The following LYRM7 variants were observed in gnomAD, a reference collection of about 807,000 sequenced individuals.
The protein encoded by LYRM7 is LYR motif containing 7.
In LYRM7, 9 loss-of-function variants were observed where a neutral mutation model predicts 15.8. That is an observed-to-expected ratio of 0.57 (90% CI 0.34 to 0.99). LYRM7 has a LOEUF of 0.99. Ranked by LOEUF, LYRM7 falls within the 50% of genes least tolerant of loss-of-function variation. The probability of loss-of-function intolerance (pLI) is 0.02; values close to 1 mark genes in which losing one functional copy is unlikely to be tolerated. For synonymous variants in LYRM7, 39 were observed against 39.4 expected (o/e 0.99, Z 0.04); for missense variants, 115 against 119.1 (o/e 0.97, Z 0.16).
chr5:131,173,125 GTCTTC>G (rs1421636435), intron 1 of LYRM7, among the ~76,000 whole-genome samples: 1 of 152,122 alleles, frequency 6.6e-6, no homozygotes, highest in African/African-American at 2.4e-5. Flanking sequence ...CATGCAACAT[GTCTTC>G]TCTGCTCTTG....
At chr5:131,184,645 G>GGGGT (rs1755766604) in intron 3 of LYRM7, among the ~76,000 whole-genome samples, 2 of 145,160 alleles carry the variant, frequency 1.4e-5, no homozygotes, top group African/African-American at 5.7e-5. Flanking sequence ...TTTGGCGGGG[G>GGGGT]GGGGGTTCCA....
At chr5:131,199,447 TA>T in intron 4 of LYRM7, 83 bp from the exon 5 acceptor site, 1 of 948,948 alleles carries the variant, frequency 1.1e-6, no homozygotes, top group South Asian at 1.8e-5. Flanking sequence ...TTTACTATTT[TA>T]AATTTTAGGG....
intron 4 of LYRM7, among the ~76,000 whole-genome samples, chr5:131,190,160 A>G (rs569942021): frequency 6.6e-6 from 1 of 151,512 alleles, no homozygotes; most frequent in Non-Finnish European, 1.5e-5. Context: ...GAAAAGAAAA[A>G]AAAAGAAATT....
intron 3 of LYRM7, among the ~76,000 whole-genome samples, chr5:131,186,518 C>A (rs555476354): frequency 1.4e-3 from 212 of 152,312 alleles, no homozygotes; most frequent in African/African-American, 5.0e-3. Context: ...CCTCAAATCT[C>A]TGATAGTACC....
intron 3 of LYRM7, among the ~76,000 whole-genome samples, chr5:131,182,846 A>T (rs1186678197): frequency 6.6e-6 from 1 of 152,110 alleles, no homozygotes; most frequent in East Asian, 1.9e-4. Context: ...AAAAATGCAC[A>T]ATTTTTCTTT....
chr5:131,177,491 T>A (rs1332862582), intron 1 of LYRM7, among the ~76,000 whole-genome samples: 1 of 152,250 alleles, frequency 6.6e-6, no homozygotes, highest in African/African-American at 2.4e-5. Flanking sequence ...AGTGATAGTT[T>A]GAGTATCTAT....
intron 2 of LYRM7, among the ~76,000 whole-genome samples, chr5:131,181,296 A>ATATATAT (rs1311167816): frequency 1.4e-4 from 2 of 14,462 alleles, no homozygotes; most frequent in African/African-American, 3.4e-4. Context: ...AAAAAAAAAA[A>ATATATAT]AAAAAAATAT....
chr5:131,184,987 A>G (rs1444588635), intron 3 of LYRM7, among the ~76,000 whole-genome samples: 3 of 152,078 alleles, frequency 2.0e-5, no homozygotes, highest in Non-Finnish European at 2.9e-5. Flanking sequence ...GTTGACTTAA[A>G]TATCAAAATA....
intron 3 of LYRM7, among the ~76,000 whole-genome samples, chr5:131,182,511 A>T (rs1487958846): frequency 6.6e-6 from 1 of 152,196 alleles, no homozygotes; most frequent in Non-Finnish European, 1.5e-5. Flanking sequence ...TCAACAGAAC[A>T]TGGAAATAGC....
chr5:131,185,366 A>G (rs1755781215), intron 3 of LYRM7, among the ~76,000 whole-genome samples: 1 of 152,054 alleles, frequency 6.6e-6, no homozygotes, highest in Non-Finnish European at 1.5e-5. Flanking sequence ...AATTTACCAA[A>G]AAGTTTCCTC....
intron 1 of LYRM7, among the ~76,000 whole-genome samples, chr5:131,177,130 A>G (rs1755614435): frequency 6.6e-6 from 1 of 152,182 alleles, no homozygotes; most frequent in African/African-American, 2.4e-5. Context: ...CTTTTTAAAA[A>G]TATCCTTTAA....
intron 2 of LYRM7, among the ~76,000 whole-genome samples, chr5:131,181,397 T>TA (rs200207805): frequency 1.0e-5 from 1 of 99,386 alleles, no homozygotes; most frequent in Non-Finnish European, 1.7e-5. Flanking sequence ...TACATATATA[T>TA]TATATATACA....
In LYRM7 at chr5:131,198,522, C is replaced by A. The variant is rs77612257; in HGVS notation, c.245-1009C>A. Among the ~76,000 whole-genome samples, 1,282 of 152,110 alleles carry A rather than the reference C, an allele frequency of 8.4e-3. 16 individuals are homozygous for A. Among genetic ancestry groups the A allele is most frequent in the African/African-American group, 0.03 (1,234 of 41,478 alleles). On this transcript the variant is annotated intron_variant, in intron 4 of 4. Transcript: ENST00000379380. ...GATAGCTCATCTAGGTTCAGCTCTT[C>A]TGGAGAAAAGAAGAAGAAATCAATG...
intron 1 of LYRM7, among the ~76,000 whole-genome samples, chr5:131,177,681 C>T (rs1161236614): frequency 6.6e-6 from 1 of 152,134 alleles, no homozygotes; most frequent in African/African-American, 2.4e-5. Context: ...TCATGCTGTG[C>T]TGTGTTATGA....
intron 4 of LYRM7, among the ~76,000 whole-genome samples, chr5:131,198,780 A>T (rs1756012526): frequency 6.7e-6 from 1 of 150,214 alleles, no homozygotes; most frequent in African/African-American, 2.5e-5. Flanking sequence ...CATGTTAGTC[A>T]GGCTAGTTTC....
In LYRM7 at chr5:131,171,047, G is replaced by T; in HGVS notation, c.18+9G>T. Reference sequence around the variant, plus strand: ...TGGGACGGGCAGTCAAGGTGACAGGGCCCGGGAAGGGGTGGGTACGATGCC... The same window carrying T: ...TGGGACGGGCAGTCAAGGTGACAGGTCCCGGGAAGGGGTGGGTACGATGCC... On this transcript the variant is annotated intron_variant, in intron 1 of 4. Coordinates refer to ENST00000379380, the MANE Select transcript of LYRM7 (RefSeq NM_181705.4). 1.3e-6 allele frequency: 2 copies of T among 1,528,798 alleles called. No homozygotes were observed. Among genetic ancestry groups the T allele is most frequent in the Non-Finnish European group, 1.7e-6 (2 of 1,148,340 alleles). 94.7% of individuals were successfully genotyped at this position (1,528,798 alleles called of 1,614,324 possible). A position where few individuals can be genotyped will look rare whatever the true frequency, so the allele number is the denominator to read the frequency against.
chr5:131,195,191 A>C (rs548254032), intron 4 of LYRM7, among the ~76,000 whole-genome samples: 2 of 151,902 alleles, frequency 1.3e-5, no homozygotes, highest in African/African-American at 4.8e-5. Context: ...TTGCTTGAAC[A>C]TGGGAGGCAG....
At chr5:131,171,854 C>G (rs1003809196) in intron 1 of LYRM7, 2 of 152,204 alleles carry the variant, frequency 1.3e-5, no homozygotes, top group Admixed American at 6.5e-5. Context: ...CATAATGTCA[C>G]AGCACCAATA....
rs1372308710 is a variant in LYRM7 at position 131,203,206 on chromosome 5, A to C, written c.*3605A>C. The C allele has an allele frequency of 6.6e-6, 1 of 152,354 alleles. No individual in the cohort carries two copies. The highest frequency in any genetic ancestry group is 1.5e-5 in the Non-Finnish European group (1 of 68,044). 9.4% of individuals were successfully genotyped at this position (152,354 alleles called of 1,614,324 possible). A position where few individuals can be genotyped will look rare whatever the true frequency, so the allele number is the denominator to read the frequency against. On this transcript the variant is annotated 3_prime_UTR_variant, in exon 5 of 5. Transcript: ENST00000379380. ...AAGTGGATACATGCAAAATTAATAT[A>C]GTTTTACTGTATATCAGTTGTCACC...
Sources: allele counts gnomAD v4.1 joint callset (sites outside exome capture counted in the v4.1 genomes callset), GRCh38; gene constraint gnomAD v4.1.1; transcripts MANE v1.5; gene names NCBI Gene and HGNC (gene_info 2026-07-23, HGNC 2026-07-21).